The following VGLL4 variants were observed in gnomAD, a reference collection of about 807,000 sequenced individuals.
VGLL4 encodes vestigial like family member 4.
Under a neutral mutation model 21.0 loss-of-function variants are expected in VGLL4, and 7 were observed. The ratio of observed to expected loss-of-function variants is 0.33; its 90% CI spans 0.19 to 0.63. The LOEUF (loss-of-function observed/expected upper bound fraction) is 0.63. VGLL4 is among the 20% of genes least tolerant of loss of function. The pLI, the probability that VGLL4 is intolerant of heterozygous loss-of-function variation, is 0.78. For synonymous variants in VGLL4, 222 were observed against 173.2 expected (o/e 1.28, Z -2.21); for missense variants, 394 against 425.7 (o/e 0.93, Z 0.66).
In VGLL4 at chr3:11,602,189, G is replaced by A. The variant is rs563668921; in HGVS notation, c.83-167C>T. ...ATCCTCTGAACATGGTTTGAGTGTGGTTAGCTGCCAACCATGAGACATTTT... is the reference window on the plus strand; with the variant it reads ...ATCCTCTGAACATGGTTTGAGTGTGATTAGCTGCCAACCATGAGACATTTT... On this transcript the variant is annotated intron_variant, in intron 1 of 4. Coordinates refer to ENST00000430365, the MANE Select transcript of VGLL4 (RefSeq NM_001128219.3). Among the ~76,000 whole-genome samples the A allele has an allele frequency of 5.5e-4, 84 of 152,312 alleles. 1 individual carries two copies. The highest frequency in any genetic ancestry group is 1.1e-3 in the Non-Finnish European group (73 of 68,032).
At chr3:11,562,345 G>A (rs2073097564) in intron 3 of VGLL4, among the ~76,000 whole-genome samples, 1 of 152,100 alleles carries the variant, frequency 6.6e-6, no homozygotes, top group Admixed American at 6.5e-5. Context: ...GCCCCTCTGG[G>A]AACTTTCCTG....
intron 2 of VGLL4, among the ~76,000 whole-genome samples, chr3:11,664,319 C>T (rs938227623): frequency 1.3e-5 from 2 of 152,114 alleles, no homozygotes; most frequent in African/African-American, 2.4e-5. Context: ...GGAAGGCAAC[C>T]AGAGTCCAGT....
chr3:11,709,939 A>G (rs2076816015), intron 1 of VGLL4, among the ~76,000 whole-genome samples: 2 of 152,240 alleles, frequency 1.3e-5, no homozygotes, highest in African/African-American at 2.4e-5. Context: ...GGCTCACAGT[A>G]GACTGTATAA....
chr3:11,572,500 C>T (rs1049696302), intron 2 of VGLL4, among the ~76,000 whole-genome samples: 1 of 152,158 alleles, frequency 6.6e-6, no homozygotes, highest in Non-Finnish European at 1.5e-5. Context: ...AACATGCAGA[C>T]GCATGAGGTC....
chr3:11,600,418 G>C (rs1399954164), intron 2 of VGLL4, among the ~76,000 whole-genome samples: 1 of 151,728 alleles, frequency 6.6e-6, no homozygotes, highest in Non-Finnish European at 1.5e-5. Flanking sequence ...GGGAAAAGCA[G>C]ATGGGAAAGT....
At chr3:11,703,208 G>C (rs190534548) in intron 1 of VGLL4, among the ~76,000 whole-genome samples, 1 of 152,326 alleles carries the variant, frequency 6.6e-6, no homozygotes, top group East Asian at 1.9e-4. Flanking sequence ...TTGGTTCAGG[G>C]AGAGAGAAAA....
intron 1 of VGLL4, among the ~76,000 whole-genome samples, chr3:11,605,841 G>C (rs1485152422): frequency 1.3e-5 from 2 of 152,182 alleles, no homozygotes; most frequent in African/African-American, 4.8e-5. Context: ...AGAATAAGGA[G>C]TGTTTAAAGA....
At chr3:11,689,443 A>G (rs2076496119) in intron 2 of VGLL4, among the ~76,000 whole-genome samples, 2 of 152,188 alleles carry the variant, frequency 1.3e-5, no homozygotes, top group South Asian at 4.1e-4. Context: ...TAACCTTTTA[A>G]GTTCAATCAC....
At chr3:11,576,137 C>A (rs1448346989) in intron 2 of VGLL4, among the ~76,000 whole-genome samples, 1 of 152,228 alleles carries the variant, frequency 6.6e-6, no homozygotes, top group Non-Finnish European at 1.5e-5. Flanking sequence ...CCTGCCCCCA[C>A]GTTAGCAACT....
intron 2 of VGLL4, among the ~76,000 whole-genome samples, chr3:11,698,282 G>C (rs749953511): frequency 2.0e-5 from 3 of 152,168 alleles, no homozygotes; most frequent in Admixed American, 6.5e-5. Context: ...GCCAAGGCGG[G>C]TGGATTGCCT....
intron 2 of VGLL4, among the ~76,000 whole-genome samples, chr3:11,600,944 A>ATAAC (rs2074779342): frequency 6.6e-6 from 1 of 152,224 alleles, no homozygotes; most frequent in Admixed American, 6.5e-5. Flanking sequence ...GATTGGCAAG[A>ATAAC]TAACTCCAAG....
chr3:11,681,692 T>G (rs545601345), intron 2 of VGLL4, among the ~76,000 whole-genome samples: 17 of 152,380 alleles, frequency 1.1e-4, no homozygotes, highest in African/African-American at 4.1e-4. Context: ...ATTTGTAATA[T>G]CTTTTTAATG....
intron 1 of VGLL4, among the ~76,000 whole-genome samples, chr3:11,716,794 G>C (rs1419138866): frequency 6.6e-6 from 1 of 150,418 alleles, no homozygotes; most frequent in Non-Finnish European, 1.5e-5. Context: ...ATGATACTGG[G>C]TTTTTTTTTG....
intron 2 of VGLL4, among the ~76,000 whole-genome samples, chr3:11,671,698 A>C (rs967089659): frequency 6.6e-6 from 1 of 152,006 alleles, no homozygotes; most frequent in Non-Finnish European, 1.5e-5. Flanking sequence ...ACTCATTCTG[A>C]AGATATGTGA....
intron 2 of VGLL4, among the ~76,000 whole-genome samples, chr3:11,666,468 GA>G (rs2076128943): frequency 6.6e-6 from 1 of 152,178 alleles, no homozygotes; most frequent in African/African-American, 2.4e-5. Flanking sequence ...GGAGAACAGA[GA>G]GAAAGGAGAT....
At chr3:11,666,183 C>T (rs982347833) in intron 2 of VGLL4, among the ~76,000 whole-genome samples, 4 of 147,696 alleles carry the variant, frequency 2.7e-5, no homozygotes, top group Non-Finnish European at 5.9e-5. Context: ...ACCCGGGAGG[C>T]GGAGCTTGCA....
chr3:11,619,659 G>A (rs886540515), intron 1 of VGLL4, among the ~76,000 whole-genome samples: 1 of 152,108 alleles, frequency 6.6e-6, no homozygotes, highest in Non-Finnish European at 1.5e-5. Flanking sequence ...CATAGGGCTG[G>A]GGAAGGAAGG....
At chr3:11,574,875 G>A (rs1490776280) in intron 2 of VGLL4, among the ~76,000 whole-genome samples, 1 of 147,632 alleles carries the variant, frequency 6.8e-6, no homozygotes, top group Admixed American at 6.8e-5. Context: ...CCCCAAATAT[G>A]GTTCAGGAAG....
intron 2 of VGLL4, among the ~76,000 whole-genome samples, chr3:11,670,456 G>A (rs557051592): frequency 3.9e-5 from 6 of 152,208 alleles, no homozygotes; most frequent in East Asian, 1.9e-4. Context: ...ATTCACCTGC[G>A]TCCCAACAGC....
Sources: allele counts gnomAD v4.1 joint callset (sites outside exome capture counted in the v4.1 genomes callset), GRCh38; gene constraint gnomAD v4.1.1; transcripts MANE v1.5; gene names NCBI Gene and HGNC (gene_info 2026-07-23, HGNC 2026-07-21).